The following PLPP3 variants were observed in gnomAD, a reference collection of about 807,000 sequenced individuals.
The protein encoded by PLPP3 is phospholipid phosphatase 3, also known as PAP2 beta.
PLPP3 carries 6 observed loss-of-function variants against 29.6 expected under a neutral mutation model. The ratio of observed to expected loss-of-function variants is 0.20; its 90% CI spans 0.11 to 0.40. The LOEUF (loss-of-function observed/expected upper bound fraction) is 0.40, where lower values mean the gene tolerates loss of function less well. PLPP3 is among the 10% of genes least tolerant of loss of function. The probability of loss-of-function intolerance (pLI) is 1.00; values close to 1 mark genes in which losing one functional copy is unlikely to be tolerated. For synonymous variants in PLPP3, 152 were observed against 159.7 expected (o/e 0.95, Z 0.36); for missense variants, 308 against 407.7 (o/e 0.76, Z 2.11).
At chr1:56,528,232 G>C (rs1465550944) in intron 2 of PLPP3, among the ~76,000 whole-genome samples, 1 of 152,170 alleles carries the variant, frequency 6.6e-6, no homozygotes, top group Non-Finnish European at 1.5e-5. Context: ...TTGCAATTAA[G>C]CTACAAGGGG....
At chr1:56,530,836 A>C (rs756212847) in intron 2 of PLPP3, among the ~76,000 whole-genome samples, 21 of 152,186 alleles carry the variant, frequency 1.4e-4, no homozygotes, top group Non-Finnish European at 2.9e-4. Context: ...TCATTCAGCC[A>C]AACAGGTCTG....
intron 1 of PLPP3, among the ~76,000 whole-genome samples, chr1:56,541,755 T>C (rs1645970949): frequency 6.6e-6 from 1 of 152,076 alleles, no homozygotes; most frequent in Non-Finnish European, 1.5e-5. Context: ...ATTAGTAAAT[T>C]AACTGAAGCT....
At chr1:56,547,781 G>C (rs1478619085) in intron 1 of PLPP3, among the ~76,000 whole-genome samples, 1 of 152,162 alleles carries the variant, frequency 6.6e-6, no homozygotes, top group Non-Finnish European at 1.5e-5. Flanking sequence ...CTGCCCTAAA[G>C]ACAGCTCCAA....
chr1:56,514,022 TGTGGTACTAG>T (rs557413085), intron 4 of PLPP3, among the ~76,000 whole-genome samples: 236 of 151,828 alleles, frequency 1.6e-3, no homozygotes, highest in Non-Finnish European at 1.9e-3. Context: ...AGACCAAATC[TGTGGTACTAG>T]GCAAAATAAA....
intron 1 of PLPP3, among the ~76,000 whole-genome samples, chr1:56,558,051 T>A (rs768352584): frequency 6.6e-6 from 1 of 152,150 alleles, no homozygotes; most frequent in African/African-American, 2.4e-5. Flanking sequence ...CTTAACAGCT[T>A]TCAGAAACCT....
chr1:56,497,571 A>T (rs1160957718), intron 5 of PLPP3, among the ~76,000 whole-genome samples: 1 of 152,248 alleles, frequency 6.6e-6, no homozygotes, highest in Non-Finnish European at 1.5e-5. Flanking sequence ...ATTTAATAGG[A>T]AACACTTGGC....
At chr1:56,534,986 G>T (rs1205237719) in intron 2 of PLPP3, among the ~76,000 whole-genome samples, 1 of 152,102 alleles carries the variant, frequency 6.6e-6, no homozygotes, top group Non-Finnish European at 1.5e-5. Flanking sequence ...TTTCCTTACT[G>T]TATTTTTACC....
chr1:56,538,665 C>T (rs984415997), intron 1 of PLPP3: 2 of 298,340 alleles, frequency 6.7e-6, no homozygotes, highest in Admixed American at 3.6e-5. Context: ...CCCAGCATGC[C>T]GTTGGTACTG....
At chr1:56,551,527 C>T (rs1445686781) in intron 1 of PLPP3, among the ~76,000 whole-genome samples, 1 of 152,080 alleles carries the variant, frequency 6.6e-6, no homozygotes, top group Non-Finnish European at 1.5e-5. Flanking sequence ...GGTGCACACA[C>T]ACGTTTCCTC....
intron 1 of PLPP3, among the ~76,000 whole-genome samples, chr1:56,561,983 C>CAAGATCGT (rs1297300038): frequency 8.1e-6 from 1 of 122,932 alleles, no homozygotes; most frequent in Non-Finnish European, 1.6e-5. Context: ...TGCAGTGAGC[C>CAAGATCGT]AAGATCGTAC....
chr1:56,521,495 G>GT (rs1405740506), intron 4 of PLPP3, among the ~76,000 whole-genome samples: 3 of 152,100 alleles, frequency 2.0e-5, no homozygotes, highest in Non-Finnish European at 4.4e-5. Flanking sequence ...TCTGAAGAGC[G>GT]TATGTGCACA....
chr1:56,551,279 G>GGTTTGCTTT (rs1646036459), intron 1 of PLPP3, among the ~76,000 whole-genome samples: 1 of 135,922 alleles, frequency 7.4e-6, no homozygotes, highest in African/African-American at 2.7e-5. Context: ...TCTGGGTTTG[G>GGTTTGCTTT]GGTTTGGTTT....
intron 1 of PLPP3, among the ~76,000 whole-genome samples, chr1:56,562,451 T>C (rs1452941284): frequency 1.3e-5 from 2 of 152,298 alleles, no homozygotes; most frequent in Non-Finnish European, 1.5e-5. Context: ...AATGATAGCA[T>C]GTGCCTAAAA....
intron 2 of PLPP3, among the ~76,000 whole-genome samples, chr1:56,531,145 C>G (rs1372482417): frequency 3.3e-5 from 5 of 152,122 alleles, no homozygotes; most frequent in African/African-American, 1.2e-4. Flanking sequence ...GATGATGAAG[C>G]CTTGGCATAA....
chr1:56,527,736 G>A (rs1006545430), intron 2 of PLPP3, among the ~76,000 whole-genome samples: 1 of 152,116 alleles, frequency 6.6e-6, no homozygotes, highest in Non-Finnish European at 1.5e-5. Context: ...TCATCATTAT[G>A]AACCAGGCGG....
rs142767040 is a variant in PLPP3, at chr1:56,510,590, C to T, written c.810+1386G>A. On this transcript the variant is annotated intron_variant, in intron 5 of 5. Transcript: ENST00000371250. Reference sequence around the variant, plus strand: ...ACACATGTCACTATGACAGCCCCCACAGCATTAAGCTCCTGTGCTTGGCCT... The same window carrying T: ...ACACATGTCACTATGACAGCCCCCATAGCATTAAGCTCCTGTGCTTGGCCT... Among the ~76,000 whole-genome samples the T allele has an allele frequency of 3.2e-3, 485 of 152,342 alleles. 1 individual carries two copies. The highest frequency in any genetic ancestry group is 0.011 in the African/African-American group (468 of 41,584).
At chr1:56,573,930 G>C (rs11206847) in intron 1 of PLPP3, among the ~76,000 whole-genome samples, 1 of 152,086 alleles carries the variant, frequency 6.6e-6, no homozygotes, top group Non-Finnish European at 1.5e-5. Flanking sequence ...GGCCTGGCAC[G>C]GTGGCTCACA....
At chr1:56,559,460 C>A (rs1472060112) in intron 1 of PLPP3, among the ~76,000 whole-genome samples, 1 of 151,834 alleles carries the variant, frequency 6.6e-6, no homozygotes, top group Non-Finnish European at 1.5e-5. Context: ...CTATGTTGCC[C>A]AGGCTGGTCT....
intron 5 of PLPP3, 131 bp from the exon 6 acceptor site, chr1:56,496,807 G>T: frequency 1.2e-6 from 1 of 856,134 alleles, no homozygotes; most frequent in Non-Finnish European, 1.7e-6. Context: ...GAATAGGGAA[G>T]GACAACAGAG....
Sources: allele counts gnomAD v4.1 joint callset (sites outside exome capture counted in the v4.1 genomes callset), GRCh38; gene constraint gnomAD v4.1.1; transcripts MANE v1.5; gene names NCBI Gene and HGNC (gene_info 2026-07-23, HGNC 2026-07-21).